The following TBC1D9B variants were observed in gnomAD, a reference collection of about 807,000 sequenced individuals.
TBC1D9B encodes the protein TBC1 domain family member 9B.
Under a neutral mutation model 121.1 loss-of-function variants are expected in TBC1D9B, and 87 were observed. The ratio of observed to expected loss-of-function variants is 0.72; its 90% CI spans 0.60 to 0.86. The LOEUF (loss-of-function observed/expected upper bound fraction) is 0.86, where lower values mean the gene tolerates loss of function less well. Ranked by LOEUF, TBC1D9B falls within the 40% of genes least tolerant of loss-of-function variation. TBC1D9B has a pLI of 0.00. For synonymous variants in TBC1D9B, 668 were observed against 670.1 expected (o/e 1.00, Z 0.05); for missense variants, 1,540 against 1,628.6 (o/e 0.95, Z 0.94).
At chr5:179,877,070 C>CAAAAAAAAAAAAAAAAAA (rs58537646) in intron 10 of TBC1D9B, among the ~76,000 whole-genome samples, 1 of 34,128 alleles carries the variant, frequency 2.9e-5, no homozygotes, top group African/African-American at 9.6e-5. Flanking sequence ...GATCCTGTCT[C>CAAAAAAAAAAAAAAAAAA]AAAAAAAAAA....
At position 179,907,627 on chromosome 5, in the gene TBC1D9B, C is replaced by T. The variant is rs1005695233; in HGVS notation, c.118+77G>A. ...GCCGAGGCCGGGCCGGAACCGGACCCGCCCGCCGCCCGCCGCCAGCCCCGC... is the reference window on the plus strand; with the variant it reads ...GCCGAGGCCGGGCCGGAACCGGACCTGCCCGCCGCCCGCCGCCAGCCCCGC... On this transcript the variant is annotated intron_variant, in intron 1 of 20. Coordinates refer to ENST00000355235, the MANE Select transcript of TBC1D9B (RefSeq NM_015043.4). This position sits in a 1 kb window ranked among gnomAD's most constrained non-coding sequence, Gnocchi z 5.3. The T allele has an allele frequency of 2.5e-6, 2 of 798,774 alleles. No individual in the cohort carries two copies. Among genetic ancestry groups the T allele is most frequent in the South Asian group, 5.4e-5 (1 of 18,504 alleles). 49.5% of individuals were successfully genotyped at this position (798,774 alleles called of 1,614,324 possible).
intron 12 of TBC1D9B, 127 bp from the exon 13 acceptor site, chr5:179,873,375 G>C: frequency 1.5e-6 from 2 of 1,366,198 alleles, no homozygotes; most frequent in South Asian, 1.6e-5. Context: ...CAGAGGACTG[G>C]GCACCCTGCA....
At chr5:179,864,230 G>A (rs935052162) in intron 20 of TBC1D9B, 102 bp from the exon 21 acceptor site, 5 of 1,219,970 alleles carry the variant, frequency 4.1e-6, no homozygotes, top group African/African-American at 3.1e-5. Flanking sequence ...AAGGATGTTG[G>A]CTGCCGTCTT....
chr5:179,872,775 A>G (rs942776062), intron 14 of TBC1D9B, 117 bp downstream of exon 14: 7 of 942,858 alleles, frequency 7.4e-6, no homozygotes, highest in Non-Finnish European at 1.1e-5. Context: ...CATGATGTAC[A>G]TACCAAAGCA....
At chr5:179,879,451 G>A (rs1760465525) in intron 8 of TBC1D9B, 177 bp downstream of exon 8, 14 of 1,100,472 alleles carry the variant, frequency 1.3e-5, no homozygotes, top group South Asian at 3.0e-5. Context: ...GCAGGTCAGC[G>A]GAGCCCCCCA....
In TBC1D9B at chr5:179,907,449, G is replaced by T. The variant is rs980823917; in HGVS notation, c.118+255C>A. The stretch of plus-strand genomic sequence containing the variant: ...AGCCGCCGCCGGTCTCCACTTGGCC[G>T]CCCCAAGCCGACCTGAGGAGAGCCC... On this transcript the variant is annotated intron_variant, in intron 1 of 20. Transcript: ENST00000355235. This position sits in a 1 kb window ranked among gnomAD's most constrained non-coding sequence, Gnocchi z 5.3. 1.3e-5 allele frequency among the ~76,000 whole-genome samples: 2 copies of T among 151,212 alleles called. No individual in the cohort carries two copies. Among genetic ancestry groups the T allele is most frequent in the Non-Finnish European group, 3.0e-5 (2 of 67,428 alleles).
intron 6 of TBC1D9B, among the ~76,000 whole-genome samples, chr5:179,889,397 G>T (rs1215909445): frequency 2.7e-5 from 4 of 148,502 alleles, no homozygotes. Flanking sequence ...GTCTGAGAGG[G>T]GGAGAGGCGC....
At chr5:179,894,081 T>C (rs1760947936) in intron 4 of TBC1D9B, among the ~76,000 whole-genome samples, 1 of 152,056 alleles carries the variant, frequency 6.6e-6, no homozygotes, top group Admixed American at 6.5e-5. Context: ...TTGCATGACA[T>C]GGAATCACCA....
At chr5:179,901,839 T>A (rs1761174477) in intron 2 of TBC1D9B, among the ~76,000 whole-genome samples, 1 of 152,256 alleles carries the variant, frequency 6.6e-6, no homozygotes, top group Non-Finnish European at 1.5e-5. Flanking sequence ...CATTTCATAC[T>A]AAGAAACTAT....
rs372091880 is a variant in TBC1D9B at position 179,863,836 on chromosome 5, T to G, written c.3314A>C (p.Gln1105Pro). 25 of 1,613,612 alleles carry G rather than the reference T, an allele frequency of 1.5e-5. No individual in the cohort carries two copies. Among genetic ancestry groups the G allele is most frequent in the Non-Finnish European group, 2.0e-5 (24 of 1,179,920 alleles). ...CCCCTCCACCACCACCTGGCTCTCC[T>G]GTGGGGCTTTTCCGAGGTGTGTGTC... ...GGDTHLGKAP[Q>P]ESQVVVEGGS... Residue 1105 changes from glutamine to proline, a missense_variant, in exon 21 of 21, where the codon CAG becomes CCG. Physicochemically the swap from Gln to Pro is moderately conservative, Grantham distance 76 (BLOSUM62 -1). Transcript: ENST00000355235. The surrounding 1 kb of genome is among the most constrained non-coding windows in gnomAD (Gnocchi z 4.5).
chr5:179,883,800 G>A (rs1760603429), intron 7 of TBC1D9B, among the ~76,000 whole-genome samples: 2 of 150,998 alleles, frequency 1.3e-5, no homozygotes, highest in Non-Finnish European at 2.9e-5. Context: ...TGTACAGGGT[G>A]TGATCAGCAT....
At position 179,879,833 on chromosome 5, in the gene TBC1D9B, G is replaced by A. The variant is rs751826730; in HGVS notation, c.1255-44C>T. ...AAGGGGACGCCCTAACAACTGTGCT[G>A]CCAGGTGGCCTCTGATGCGCCCATC... On this transcript the variant is annotated intron_variant, in intron 7 of 20. Transcript: ENST00000355235. The A allele has an allele frequency of 3.2e-6, 5 of 1,548,690 alleles. No homozygotes were observed. In the Admixed American group the frequency reaches 7.7e-5, roughly 24 times the overall value.
intron 1 of TBC1D9B, among the ~76,000 whole-genome samples, chr5:179,905,343 T>C (rs1178561479): frequency 6.6e-6 from 1 of 152,204 alleles, no homozygotes; most frequent in Non-Finnish European, 1.5e-5. Flanking sequence ...TTCTGCAACA[T>C]TATTTTCCAT....
intron 3 of TBC1D9B, among the ~76,000 whole-genome samples, chr5:179,895,462 ATGC>A (rs1255206624): frequency 2.0e-5 from 3 of 152,044 alleles, no homozygotes; most frequent in African/African-American, 7.2e-5. Context: ...GGCCCCCTGT[ATGC>A]CAGGGGGCTC....
Position 179,874,405 on chromosome 5 carries a change from G to A in TBC1D9B, c.2186+497C>T, listed in dbSNP as rs998999937. The stretch of plus-strand genomic sequence containing the variant: ...GGGATGTGGGGACTAAGGAGGGGGT[G>A]GAGGGGCTGGGATGACCCTGGACAT... On this transcript the variant is annotated intron_variant, in intron 12 of 20. Coordinates refer to ENST00000355235, the MANE Select transcript of TBC1D9B (RefSeq NM_015043.4). The surrounding 1 kb of genome is among the most constrained non-coding windows in gnomAD (Gnocchi z 4.3). 6.6e-5 allele frequency among the ~76,000 whole-genome samples: 10 copies of A among 152,214 alleles called. No homozygotes were observed. The highest frequency in any genetic ancestry group is 1.9e-4 in the African/African-American group (8 of 41,524).
chr5:179,893,691 C>G (rs747517885), intron 4 of TBC1D9B, among the ~76,000 whole-genome samples: 2 of 152,148 alleles, frequency 1.3e-5, no homozygotes, highest in African/African-American at 4.8e-5. Context: ...GTGTCTCCCC[C>G]ACCAGTGGCT....
At chr5:179,879,956 A>C in intron 7 of TBC1D9B, 167 bp from the exon 8 acceptor site, 1 of 789,332 alleles carries the variant, frequency 1.3e-6, no homozygotes, top group Non-Finnish European at 2.0e-6. Context: ...CTGTGGCTGC[A>C]GCTCAGCCCT....
chr5:179,875,864 C>T lies in TBC1D9B; in HGVS notation c.1900+56G>A, dbSNP rs1232846828. 2.9e-5 allele frequency: 42 copies of T among 1,446,662 alleles called. No individual in the cohort carries two copies. The highest frequency in any genetic ancestry group is 3.7e-5 in the Non-Finnish European group (40 of 1,070,670). The allele number at this position is 1,446,662 out of a possible 1,614,324, so 89.6% of individuals were successfully genotyped here. Reference sequence around the variant, plus strand: ...TTGGCCTGGGAAGGGCTGCCACCCTCATGGAACCAGCAGGCACCTGGAGAC... The same window carrying T: ...TTGGCCTGGGAAGGGCTGCCACCCTTATGGAACCAGCAGGCACCTGGAGAC... On this transcript the variant is annotated intron_variant, in intron 11 of 20. Coordinates refer to ENST00000355235, the MANE Select transcript of TBC1D9B (RefSeq NM_015043.4). This position sits in a 1 kb window ranked among gnomAD's most constrained non-coding sequence, Gnocchi z 4.5.
intron 8 of TBC1D9B, 109 bp from the exon 9 acceptor site, chr5:179,879,306 G>C: frequency 1.4e-6 from 2 of 1,457,518 alleles, no homozygotes; most frequent in South Asian, 2.7e-5. Flanking sequence ...TGGCCAGCAA[G>C]TGTGGCCTTC....
Sources: gnomAD v4.1 joint callset for allele counts (sites outside exome capture counted in the v4.1 genomes callset) on GRCh38, gnomAD v4.1.1 for gene constraint, Gnocchi (gnomAD v3.1) non-coding constraint, MANE v1.5 for transcripts, NCBI Gene and HGNC (gene_info 2026-07-23, HGNC 2026-07-21) for gene names.